The following WASHC3 variants were observed in gnomAD, a reference collection of about 807,000 sequenced individuals.
WASHC3 encodes WASH complex subunit 3.
Under a neutral mutation model 26.1 loss-of-function variants are expected in WASHC3, and 24 were observed. The ratio of observed to expected loss-of-function variants is 0.92; its 90% confidence interval spans 0.66 to 1.29. The LOEUF (loss-of-function observed/expected upper bound fraction) is 1.29. Ranked by LOEUF, WASHC3 falls within the 50% of genes most tolerant of loss-of-function variation. WASHC3 has a pLI of 0.00. For missense variants in WASHC3, 214 were observed against 229.6 expected (o/e 0.93, Z 0.44); for synonymous variants, 77 against 75.7 (o/e 1.02, Z -0.09).
intron 5 of WASHC3, 40 bp downstream of exon 5, chr12:102,039,828 T>C (rs780458542): frequency 7.6e-6 from 7 of 922,788 alleles, no homozygotes; most frequent in Non-Finnish European, 1.8e-6. Flanking sequence ...GAATTTCAAG[T>C]GAGGCTGCTA....
chr12:102,048,103 C>A (rs531290253), intron 2 of WASHC3, among the ~76,000 whole-genome samples: 162 of 152,262 alleles, frequency 1.1e-3, no homozygotes, highest in African/African-American at 3.7e-3. Context: ...CAATTCGTTT[C>A]TCACTAAGAT....
intron 6 of WASHC3, among the ~76,000 whole-genome samples, chr12:102,016,700 C>T (rs558979088): frequency 1.3e-5 from 2 of 152,222 alleles, no homozygotes; most frequent in African/African-American, 2.4e-5. Flanking sequence ...ATTGATGATC[C>T]TGACATGACT....
chr12:102,055,012 C>T (rs533472637), intron 2 of WASHC3, among the ~76,000 whole-genome samples: 1 of 151,216 alleles, frequency 6.6e-6, no homozygotes, highest in Admixed American at 6.6e-5. Flanking sequence ...AATAGAAGAA[C>T]AAATAAAACC....
intron 2 of WASHC3, among the ~76,000 whole-genome samples, chr12:102,052,168 G>A (rs2136685328): frequency 6.6e-6 from 1 of 152,260 alleles, no homozygotes; most frequent in South Asian, 2.1e-4. Context: ...ACAAAAGTAA[G>A]AAAAAACACA....
At chr12:102,031,630 A>T (rs771941935) in intron 5 of WASHC3, among the ~76,000 whole-genome samples, 2 of 152,126 alleles carry the variant, frequency 1.3e-5, no homozygotes, top group Non-Finnish European at 2.9e-5. Context: ...ATTGGTCATG[A>T]AGCTTTTATT....
chr12:102,060,718 G>C (rs921696680), intron 2 of WASHC3, among the ~76,000 whole-genome samples: 1 of 152,124 alleles, frequency 6.6e-6, no homozygotes, highest in Non-Finnish European at 1.5e-5. Context: ...CACTTTGGGA[G>C]GCCGAGGCTA....
At chr12:102,052,764 T>C (rs1878443539) in intron 2 of WASHC3, among the ~76,000 whole-genome samples, 1 of 151,982 alleles carries the variant, frequency 6.6e-6, no homozygotes, top group South Asian at 2.1e-4. Flanking sequence ...AGTAGGCCCT[T>C]CTGTTGGGCT....
At position 102,013,120 on chromosome 12, in the gene WASHC3, A is replaced by T; in HGVS notation, c.573T>A (p.Ser191=). 1 of 1,488,734 alleles carries T rather than the reference A, an allele frequency of 6.7e-7. No homozygotes were observed. The highest frequency in any genetic ancestry group is 9.2e-7 in the Non-Finnish European group (1 of 1,087,356). The allele number at this position is 1,488,734 out of a possible 1,614,324, so 92.2% of individuals were successfully genotyped here. The change falls in exon 7 of 7, where the codon TCT becomes TCA. Residue 191 remains serine (S), a synonymous_variant. Coordinates refer to ENST00000240079, the MANE Select transcript of WASHC3 (RefSeq NM_016053.4). The part of the protein sequence containing the change: ...TVEESSDSES[S]FSD ...ATCAAAATTAAGCTTAATCACTAAA[A>T]GAAGATTCGCTATCTGAACTTTCTT... is the stretch of plus-strand genomic sequence containing the variant.
chr12:102,052,382 A>C (rs184277548), intron 2 of WASHC3, among the ~76,000 whole-genome samples: 1 of 152,170 alleles, frequency 6.6e-6, no homozygotes, highest in East Asian at 1.9e-4. Flanking sequence ...CCAGGCTGAC[A>C]CCTGCAGGCG....
intron 2 of WASHC3, among the ~76,000 whole-genome samples, chr12:102,060,579 A>G (rs1172222223): frequency 6.6e-6 from 1 of 152,244 alleles, no homozygotes; most frequent in Non-Finnish European, 1.5e-5. Flanking sequence ...TTTTAGATCC[A>G]GAATGTAAAA....
At chr12:102,051,664 GCTA>G (rs1223207951) in intron 2 of WASHC3, among the ~76,000 whole-genome samples, 1 of 152,192 alleles carries the variant, frequency 6.6e-6, no homozygotes, top group Non-Finnish European at 1.5e-5. Flanking sequence ...ATCCAGTTCT[GCTA>G]CTTTCTATCT....
At chr12:102,041,504 A>G (rs1039906389) in intron 4 of WASHC3, among the ~76,000 whole-genome samples, 1 of 152,078 alleles carries the variant, frequency 6.6e-6, no homozygotes, top group African/African-American at 2.4e-5. Flanking sequence ...TTAAAGTTGC[A>G]GAAAAATCAG....
Position 102,048,194 on chromosome 12 carries a change from A to C in WASHC3, c.151-2075T>G, listed in dbSNP as rs1209508214. 3 of 152,000 alleles carry C rather than the reference A, an allele frequency of 2.0e-5. No homozygotes were observed. The East Asian group carries it at 5.8e-4, about 29-fold the overall frequency. 9.4% of individuals were successfully genotyped at this position (152,000 alleles called of 1,614,324 possible). A position where few individuals can be genotyped will look rare whatever the true frequency, so the allele number is the denominator to read the frequency against. ...ACAAAGTGGTTCTGAACTACAGTAC[A>C]TGAACTAGGATGAGAGAAAAAATTC... On this transcript the variant is annotated intron_variant, in intron 2 of 6. Transcript: ENST00000240079.
chr12:102,061,320 C>A lies in WASHC3; in HGVS notation c.78G>T (p.Thr26=), dbSNP rs763425493. The change falls in exon 2 of 7, where the codon ACG becomes ACT. Residue 26 remains threonine, a synonymous_variant. Coordinates refer to ENST00000240079, the MANE Select transcript of WASHC3 (RefSeq NM_016053.4). ...TKVPAIQQKR[T]VAFLNQFVVH... ...CCACAAATTGGTTTAGAAAAGCCAC[C>A]GTTCTTTTCTGTTGAATAGCTGGCA... The A allele has an allele frequency of 1.9e-6, 3 of 1,613,384 alleles. No homozygotes were observed. In the African/African-American group the frequency reaches 4.0e-5, roughly 22 times the overall value.
intron 5 of WASHC3, among the ~76,000 whole-genome samples, chr12:102,034,413 A>G (rs1425046878): frequency 6.6e-6 from 1 of 152,130 alleles, no homozygotes; most frequent in Non-Finnish European, 1.5e-5. Context: ...GCAAAGTGGT[A>G]CTGTTATCTG....
At chr12:102,039,650 A>G (rs1275136841) in intron 5 of WASHC3, among the ~76,000 whole-genome samples, 12 of 152,126 alleles carry the variant, frequency 7.9e-5, no homozygotes, top group Non-Finnish European at 1.8e-4. Flanking sequence ...AATCTATATT[A>G]AACTATGTTA....
rs1378971471 is a variant in WASHC3, at chr12:102,023,072, A to G, written c.500+2902T>C. On this transcript the variant is annotated intron_variant, in intron 6 of 6. Transcript: ENST00000240079. ...AATTTTTAAAAACAAACAATCACTT[A>G]GAAGAATCAAATCCAATATTTATTT... Among the ~76,000 whole-genome samples, 5 of 152,148 alleles carry G rather than the reference A, an allele frequency of 3.3e-5. No individual in the cohort carries two copies. In the East Asian group the frequency reaches 7.7e-4, roughly 23 times the overall value.
chr12:102,035,541 G>A (rs1877618781), intron 5 of WASHC3, among the ~76,000 whole-genome samples: 1 of 152,178 alleles, frequency 6.6e-6, no homozygotes, highest in South Asian at 2.1e-4. Flanking sequence ...GAAGACCTCT[G>A]CTGGGTCTAT....
At chr12:102,039,835 G>T in intron 5 of WASHC3, 33 bp downstream of exon 5, 2 of 1,000,676 alleles carry the variant, frequency 2.0e-6, no homozygotes, top group Non-Finnish European at 3.2e-6. Flanking sequence ...AAGTGAGGCT[G>T]CTACACAAAG....
Sources: gnomAD v4.1 joint callset for allele counts (sites outside exome capture counted in the v4.1 genomes callset) on GRCh38, gnomAD v4.1.1 for gene constraint, MANE v1.5 for transcripts, NCBI Gene and HGNC (gene_info 2026-07-23, HGNC 2026-07-21) for gene names.